The following PTPRE variants were observed in gnomAD, a reference collection of about 807,000 sequenced individuals.
PTPRE encodes protein tyrosine phosphatase receptor type E, also known as receptor-type tyrosine-protein phosphatase epsilon.
In PTPRE, 51 loss-of-function variants were observed where a neutral mutation model predicts 102.0. The ratio of observed to expected loss-of-function variants is 0.50; its 90% confidence interval spans 0.40 to 0.63. PTPRE has a LOEUF of 0.63. PTPRE is among the 30% of genes least tolerant of loss of function. PTPRE has a pLI of 0.00. For missense variants in PTPRE, 752 were observed against 915.1 expected, an observed-to-expected ratio of 0.82 and a Z score of 2.30; for synonymous variants, 345 against 348.2, an observed-to-expected ratio of 0.99 and a Z score of 0.10.
chr10:127,979,179 GACA>G (rs1353349878), intron 1 of PTPRE, among the ~76,000 whole-genome samples: 1 of 152,162 alleles, frequency 6.6e-6, no homozygotes, highest in Non-Finnish European at 1.5e-5. Flanking sequence ...CTTGCTGGAG[GACA>G]ACAACGTTCA....
At chr10:128,055,786 ACCTGCTCTAGGCCAGGGTCCATGGGC>A (rs1848911039) in intron 6 of PTPRE, among the ~76,000 whole-genome samples, 1 of 152,076 alleles carries the variant, frequency 6.6e-6, no homozygotes, top group Non-Finnish European at 1.5e-5. Context: ...AATCATAGGC[ACCTGCTCTAGGCCAGGGTCCATGGGC>A]CCTGAGATAC....
chr10:128,047,959 C>A, intron 5 of PTPRE, 122 bp downstream of exon 5: 1 of 919,830 alleles, frequency 1.1e-6, no homozygotes, highest in Non-Finnish European at 1.6e-6. Flanking sequence ...CCACTTTCAT[C>A]TCACTCTACC....
chr10:128,047,919 C>T (rs946556923), intron 5 of PTPRE, 82 bp downstream of exon 5: 29 of 1,406,930 alleles, frequency 2.1e-5, no homozygotes, highest in South Asian at 8.6e-5. Context: ...CTGCCTTTAA[C>T]GTTCAAAGTA....
rs763599812 is a variant in PTPRE at position 128,049,567 on chromosome 10, A to C, written c.321A>C (p.Ser107=). The change falls in exon 6 of 21, where the codon TCA becomes TCC. Residue 107 remains serine (S), a synonymous_variant. Transcript: ENST00000254667. Reference sequence around the variant, plus strand: ...TGATGCTGCTCAGCAGGTCACCCTCAGGGCCCAAGAAGTATTTTCCCATCC... The same window carrying C: ...TGATGCTGCTCAGCAGGTCACCCTCCGGGCCCAAGAAGTATTTTCCCATCC... The part of the protein sequence containing the change: ...QRVMLLSRSP[S]GPKKYFPIPV... 27 of 1,613,248 alleles carry C rather than the reference A, an allele frequency of 1.7e-5. No homozygotes were observed. In the Admixed American group the frequency reaches 4.5e-4, roughly 27 times the overall value.
chr10:128,034,531 G>GA (rs199742993), intron 2 of PTPRE, among the ~76,000 whole-genome samples: 4,900 of 151,886 alleles, frequency 0.032, 247 homozygotes, highest in African/African-American at 0.11. Context: ...CCATCTTTAC[G>GA]AAAAAAAGTC....
At chr10:128,076,218 C>G (rs1056585457) in intron 17 of PTPRE, among the ~76,000 whole-genome samples, 14 of 152,130 alleles carry the variant, frequency 9.2e-5, no homozygotes, top group East Asian at 3.8e-4. Flanking sequence ...GGTTCAAGGC[C>G]ATGACACGTG....
intron 2 of PTPRE, among the ~76,000 whole-genome samples, chr10:128,019,545 G>A (rs956653850): frequency 1.3e-5 from 2 of 152,164 alleles, no homozygotes; most frequent in African/African-American, 2.4e-5. Context: ...GATCTGCCTT[G>A]AGTAGCCAGA....
intron 1 of PTPRE, among the ~76,000 whole-genome samples, chr10:127,917,782 C>A: frequency 6.6e-6 from 1 of 152,240 alleles, no homozygotes; most frequent in African/African-American, 2.4e-5. Flanking sequence ...GTAATCCCAG[C>A]ATTTTGTGAG....
chr10:128,030,103 G>A (rs1846605616), intron 2 of PTPRE, among the ~76,000 whole-genome samples: 1 of 152,216 alleles, frequency 6.6e-6, no homozygotes, highest in Non-Finnish European at 1.5e-5. Flanking sequence ...CCCCATGTGG[G>A]CTTCCCTCAC....
At chr10:127,919,636 C>G (rs139734021) in intron 1 of PTPRE, among the ~76,000 whole-genome samples, 107 of 152,316 alleles carry the variant, frequency 7.0e-4, no homozygotes, top group African/African-American at 2.5e-3. Flanking sequence ...CAGAAGTGCA[C>G]TCCAACCTTT....
At chr10:127,973,027 G>A (rs1850877822) in intron 1 of PTPRE, among the ~76,000 whole-genome samples, 2 of 152,224 alleles carry the variant, frequency 1.3e-5, no homozygotes, top group Admixed American at 6.5e-5. Context: ...AGTGGAAGAG[G>A]AGAGCTGACC....
At chr10:128,058,908 C>G (rs763645097) in intron 7 of PTPRE, among the ~76,000 whole-genome samples, 1 of 152,206 alleles carries the variant, frequency 6.6e-6, no homozygotes, top group African/African-American at 2.4e-5. Flanking sequence ...CCCTGGGGAG[C>G]TCTGGGGTCA....
chr10:127,986,830 C>T (rs567586021), intron 2 of PTPRE, among the ~76,000 whole-genome samples: 1 of 152,330 alleles, frequency 6.6e-6, no homozygotes, highest in African/African-American at 2.4e-5. Context: ...CTATATGCCC[C>T]GGGCCGGCCT....
chr10:127,983,642 G>A (rs1851821987), intron 2 of PTPRE, among the ~76,000 whole-genome samples: 1 of 152,214 alleles, frequency 6.6e-6, no homozygotes, highest in South Asian at 2.1e-4. Flanking sequence ...AAATATTTGA[G>A]TGTCAGATCC....
chr10:127,911,383 G>A (rs1217253520), intron 1 of PTPRE, among the ~76,000 whole-genome samples: 1 of 152,166 alleles, frequency 6.6e-6, no homozygotes, highest in Non-Finnish European at 1.5e-5. Context: ...CCAGGCTCGT[G>A]GCCTGAATTA....
At chr10:128,073,274 G>T (rs1490348739) in intron 16 of PTPRE, 63 bp from the exon 17 acceptor site, 1 of 1,598,526 alleles carries the variant, frequency 6.3e-7, no homozygotes, top group South Asian at 1.1e-5. Context: ...TAAACTTAGG[G>T]AGCAGGTAAT....
intron 1 of PTPRE, among the ~76,000 whole-genome samples, chr10:127,956,559 CATAAGTTTT>C (rs1849416936): frequency 1.3e-5 from 2 of 152,164 alleles, no homozygotes; most frequent in Non-Finnish European, 2.9e-5. Context: ...TTTGTGTGGA[CATAAGTTTT>C]CACCTCATTT....
rs143577888 is a variant in PTPRE at position 128,068,132 on chromosome 10, G to A, written c.853G>A (p.Asp285Asn). Residue 285 changes from aspartate to asparagine, a missense_variant, in exon 12 of 21, where the codon GAC (aspartate) becomes AAC (asparagine). Asp to Asn is a conservative substitution (Grantham distance 23, BLOSUM62 1). Coordinates refer to ENST00000254667, the MANE Select transcript of PTPRE (RefSeq NM_006504.6). ...CCCGCGTCCCCCGCAGCAGCTCCCC[G>A]ACGGCTGCAAAGCCCCCAGGCTGGT... is the stretch of plus-strand genomic sequence containing the variant. Reference protein sequence around the residue: ...RKFCIQPQLPDGCKAPRLVSQ... With the variant: ...RKFCIQPQLPNGCKAPRLVSQ... 2.6e-5 allele frequency: 42 copies of A among 1,612,394 alleles called. No homozygotes were observed. Among genetic ancestry groups the A allele is most frequent in the Middle Eastern group, 1.7e-4 (1 of 6,024 alleles).
intron 2 of PTPRE, among the ~76,000 whole-genome samples, chr10:128,005,503 C>A (rs971819460): frequency 7.9e-5 from 12 of 152,200 alleles, no homozygotes; most frequent in African/African-American, 2.9e-4. Context: ...TACTCGGCCT[C>A]CTATTTATAC....
Sources: allele counts gnomAD v4.1 joint callset (sites outside exome capture counted in the v4.1 genomes callset), GRCh38; gene constraint gnomAD v4.1.1; transcripts MANE v1.5; gene names NCBI Gene and HGNC (gene_info 2026-07-23, HGNC 2026-07-21).